The following C8B variants were observed in gnomAD, a reference collection of about 807,000 sequenced individuals.
C8B encodes complement C8 beta chain.
C8B carries 67 observed loss-of-function variants against 64.6 expected under a neutral mutation model. The observed-to-expected ratio is 1.04, with a 90% CI of 0.85 to 1.27. C8B has a LOEUF of 1.27. Among genes scored for constraint, C8B ranks in the 50% most tolerant of loss-of-function variants. The pLI is 0.00. For synonymous variants in C8B, 284 were observed against 257.7 expected, an observed-to-expected ratio of 1.10 and a Z score of -0.98; for missense variants, 790 against 725.2, an observed-to-expected ratio of 1.09 and a Z score of -1.03.
At chr1:56,955,437 C>G (rs936909418) in intron 3 of C8B, among the ~76,000 whole-genome samples, 2 of 152,180 alleles carry the variant, frequency 1.3e-5, no homozygotes, top group Non-Finnish European at 2.9e-5. Flanking sequence ...ATTTGCATCC[C>G]TTTTGCTTCC....
At chr1:56,936,818 C>T (rs1040663743) in intron 9 of C8B, among the ~76,000 whole-genome samples, 13 of 152,064 alleles carry the variant, frequency 8.5e-5, no homozygotes, top group Non-Finnish European at 1.5e-4. Context: ...GTCTTGAACT[C>T]CTGACCTCAT....
intron 1 of C8B, among the ~76,000 whole-genome samples, chr1:56,961,360 G>A (rs1390664679): frequency 2.6e-5 from 4 of 152,248 alleles, no homozygotes; most frequent in South Asian, 2.1e-4. Flanking sequence ...CATCACCCAC[G>A]CTATCTTCTT....
intron 11 of C8B, 189 bp downstream of exon 11, chr1:56,931,621 A>G (rs1644702121): frequency 3.5e-6 from 2 of 576,030 alleles, no homozygotes; most frequent in African/African-American, 1.9e-5. Context: ...TGTAAAAATA[A>G]TGAAATGCAT....
intron 8 of C8B, 131 bp downstream of exon 8, chr1:56,943,565 A>G (rs1394669247): frequency 9.3e-7 from 1 of 1,073,500 alleles, no homozygotes; most frequent in African/African-American, 1.5e-5. Context: ...ACTATAAAAA[A>G]CAGAAGGACA....
intron 7 of C8B, among the ~76,000 whole-genome samples, chr1:56,945,228 G>A (rs1159714291): frequency 2.0e-5 from 3 of 152,186 alleles, no homozygotes; most frequent in African/African-American, 4.8e-5. Flanking sequence ...CATGGGGTGA[G>A]CCTATGGTGG....
intron 11 of C8B, among the ~76,000 whole-genome samples, chr1:56,929,919 G>C (rs642535): frequency 0.32 from 48,453 of 152,056 alleles, 8,257 homozygotes; most frequent in East Asian, 0.52. Flanking sequence ...TAAGTTCTCT[G>C]AGCATTTTGT....
chr1:56,959,901 T>G (rs1325284540), intron 2 of C8B, 119 bp downstream of exon 2: 3 of 1,107,044 alleles, frequency 2.7e-6, no homozygotes, highest in Non-Finnish European at 4.1e-6. Context: ...ATTTATTAAG[T>G]TAGCCGACAT....
intron 8 of C8B, 106 bp downstream of exon 8, chr1:56,943,590 G>T (rs760007650): frequency 3.0e-6 from 4 of 1,336,292 alleles, no homozygotes; most frequent in Non-Finnish European, 3.2e-6. Context: ...TGGCCTAGAA[G>T]TTGGGATAGT....
Position 56,933,888 on chromosome 1 carries a change from A to G in C8B, c.1399-400T>C, listed in dbSNP as rs573842067. ...GCAGAAAGGAGTGGATGCTTCATCT[A>G]TCTTTGGTGGGGCAGAGAAGGTGAT... On this transcript the variant is annotated intron_variant, in intron 9 of 11. Transcript: ENST00000371237. Among the ~76,000 whole-genome samples the G allele has an allele frequency of 1.3e-4, 20 of 152,280 alleles. 1 individual carries two copies. The South Asian group carries it at 3.7e-3, about 28-fold the overall frequency.
chr1:56,954,554 C>T, intron 4 of C8B, 132 bp downstream of exon 4: 2 of 1,261,260 alleles, frequency 1.6e-6, no homozygotes, highest in Non-Finnish European at 2.3e-6. Context: ...GGAAGTGTTA[C>T]TTACAATACA....
chr1:56,939,585 G>C (rs999531884), intron 9 of C8B, among the ~76,000 whole-genome samples: 1 of 152,170 alleles, frequency 6.6e-6, no homozygotes, highest in East Asian at 1.9e-4. Flanking sequence ...GACGTGCTAT[G>C]GGCCCTGTGC....
At chr1:56,931,944 C>G in intron 10 of C8B, 66 bp from the exon 11 acceptor site, 1 of 1,122,406 alleles carries the variant, frequency 8.9e-7, no homozygotes, top group South Asian at 1.2e-5. Context: ...TGGAGCTCAG[C>G]CCTCCAATCA....
At chr1:56,951,505 A>G (rs191623345) in intron 5 of C8B, among the ~76,000 whole-genome samples, 4 of 152,168 alleles carry the variant, frequency 2.6e-5, no homozygotes, top group Admixed American at 2.6e-4. Flanking sequence ...AGGGGCTTAC[A>G]TTGGTAGAGC....
chr1:56,929,701 C>T (rs1644668817), intron 11 of C8B, 143 bp from the exon 12 acceptor site: 1 of 780,684 alleles, frequency 1.3e-6, no homozygotes, highest in Admixed American at 2.0e-5. Flanking sequence ...GGCCATTGTA[C>T]TTGTCATGCT....
intron 2 of C8B, 62 bp from the exon 3 acceptor site, chr1:56,956,972 T>C: frequency 6.3e-7 from 1 of 1,592,758 alleles, no homozygotes; most frequent in Non-Finnish European, 8.6e-7. Context: ...AGCTGAGGGA[T>C]ACTCTGTGTA....
chr1:56,952,258 G>C, intron 4 of C8B, 78 bp from the exon 5 acceptor site: 1 of 1,593,684 alleles, frequency 6.3e-7, no homozygotes, highest in Non-Finnish European at 8.6e-7. Flanking sequence ...CCTACTGAAC[G>C]AAAACAAAAA....
chr1:56,947,069 T>C (rs78766017), intron 6 of C8B, among the ~76,000 whole-genome samples: 4,421 of 152,298 alleles, frequency 0.029, 195 homozygotes, highest in African/African-American at 0.1. Flanking sequence ...TTGCATCTCA[T>C]TTTGTTTGCA....
Position 56,956,928 on chromosome 1 carries a change from C to T in C8B, c.250-18G>A. 6.2e-7 allele frequency: 1 copy of T among 1,613,860 alleles called. No individual in the cohort carries two copies. The highest frequency in any genetic ancestry group is 8.5e-7 in the Non-Finnish European group (1 of 1,179,922). The stretch of plus-strand genomic sequence containing the variant: ...TACCTGTACTGTAGCAGAGAGGAGC[C>T]AGGTGAACCAAGGGTAAAGCCTTAG... On this transcript the variant is annotated intron_variant, in intron 2 of 11. Coordinates refer to ENST00000371237, the MANE Select transcript of C8B (RefSeq NM_000066.4).
At chr1:56,941,096 TACACC>T (rs1034259384) in intron 8 of C8B, 84 bp from the exon 9 acceptor site, 1 of 1,448,880 alleles carries the variant, frequency 6.9e-7, no homozygotes, top group African/African-American at 1.4e-5. Flanking sequence ...ACAATTTGGG[TACACC>T]ATATTCACTG....
Sources: gnomAD v4.1 joint callset for allele counts (sites outside exome capture counted in the v4.1 genomes callset) on GRCh38, gnomAD v4.1.1 for gene constraint, MANE v1.5 for transcripts, NCBI Gene and HGNC (gene_info 2026-07-23, HGNC 2026-07-21) for gene names.